PTPRN2: variants seen among roughly 807,000 people sequenced by gnomAD.
PTPRN2 encodes the protein receptor-type tyrosine-protein phosphatase N2.
A neutral mutation model predicts 118.8 loss-of-function variants in PTPRN2; 74 were observed. The observed-to-expected ratio is 0.62, with a 90% confidence interval of 0.52 to 0.76. The LOEUF is 0.76. Ranked by LOEUF, PTPRN2 falls within the 30% of genes least tolerant of loss-of-function variation. PTPRN2 has a pLI of 0.00. For synonymous variants in PTPRN2, 641 were observed against 608.0 expected, an observed-to-expected ratio of 1.05 and a Z score of -0.80; for missense variants, 1,481 against 1,394.4, an observed-to-expected ratio of 1.06 and a Z score of -0.99.
intron 2 of PTPRN2, among the ~76,000 whole-genome samples, chr7:158,388,779 C>T (rs1453939978): frequency 6.6e-6 from 1 of 152,178 alleles, no homozygotes; most frequent in Non-Finnish European, 1.5e-5. Context: ...AGCCAGGGCT[C>T]CCAGCCACCT....
In PTPRN2 at chr7:157,872,461, ATCCAGTGTCCTCCC is replaced by A. The variant is rs1199733514; in HGVS notation, c.1788+26198_1788+26211del. Among the ~76,000 whole-genome samples the A allele has an allele frequency of 3.2e-3, 465 of 146,812 alleles. 10 individuals carry two copies. Among genetic ancestry groups the A allele is most frequent in the African/African-American group, 0.011 (440 of 39,412 alleles). The stretch of plus-strand genomic sequence containing the variant: ...CCCAGTGTCCTCCCCACACACGCAT[ATCCAGTGTCCTCCC>A]CACACACGCATATCCAGTGTCCTCC... On this transcript the variant is annotated intron_variant, in intron 12 of 22. Coordinates refer to ENST00000389418, the MANE Select transcript of PTPRN2 (RefSeq NM_002847.5).
At chr7:158,306,709 T>C (rs1186432909) in intron 3 of PTPRN2, among the ~76,000 whole-genome samples, 2 of 152,186 alleles carry the variant, frequency 1.3e-5, no homozygotes, top group Non-Finnish European at 2.9e-5. Flanking sequence ...CCACACTATG[T>C]TATTTAAAAT....
At chr7:157,606,868 G>A (rs934793672) in intron 15 of PTPRN2, among the ~76,000 whole-genome samples, 3 of 152,234 alleles carry the variant, frequency 2.0e-5, no homozygotes, top group African/African-American at 7.2e-5. Flanking sequence ...GTGCACTAGA[G>A]ATCAATACAC....
chr7:157,872,210 C>A (rs1234917821), intron 12 of PTPRN2, among the ~76,000 whole-genome samples: 1 of 143,730 alleles, frequency 7.0e-6, no homozygotes, highest in Non-Finnish European at 1.5e-5. Context: ...TACCCAGTGT[C>A]CTCCGCATAC....
intron 2 of PTPRN2, among the ~76,000 whole-genome samples, chr7:158,415,424 GC>G (rs779021863): frequency 7.2e-4 from 110 of 152,144 alleles, no homozygotes; most frequent in Non-Finnish European, 1.3e-3. Context: ...AGCTGCTTCA[GC>G]CCTGGATGAC....
chr7:157,955,124 G>A lies in PTPRN2; in HGVS notation c.1724-56387C>T, dbSNP rs140902456. 2.2e-4 allele frequency among the ~76,000 whole-genome samples: 34 copies of A among 152,252 alleles called. No individual in the cohort carries two copies. In the East Asian group the frequency reaches 6.4e-3, roughly 29 times the overall value. On this transcript the variant is annotated intron_variant, in intron 11 of 22. Transcript: ENST00000389418. ...AAGACGGATCCACCGGCCATCCCAG[G>A]TACCAGGAGCAGCACACACGAATGC...
chr7:158,173,607 G>A (rs745676650), intron 5 of PTPRN2, among the ~76,000 whole-genome samples: 2 of 152,186 alleles, frequency 1.3e-5, no homozygotes, highest in African/African-American at 2.4e-5. Flanking sequence ...CAGACAACTG[G>A]TCTGACTAGA....
intron 2 of PTPRN2, among the ~76,000 whole-genome samples, chr7:158,322,443 C>A (rs1445663806): frequency 2.0e-5 from 3 of 151,580 alleles, no homozygotes; most frequent in Non-Finnish European, 4.4e-5. Flanking sequence ...ACACTCCAGG[C>A]TAAGGGAGCA....
chr7:157,852,270 T>C (rs1190398153), intron 12 of PTPRN2, among the ~76,000 whole-genome samples: 2 of 152,248 alleles, frequency 1.3e-5, no homozygotes, highest in South Asian at 2.1e-4. Flanking sequence ...AAAAGTCAGT[T>C]TGTGTATCTC....
chr7:158,090,432 T>G (rs1814023233), intron 10 of PTPRN2, among the ~76,000 whole-genome samples: 2 of 152,278 alleles, frequency 1.3e-5, no homozygotes, highest in Admixed American at 6.5e-5. Context: ...CCATATATGT[T>G]GTACATAGAT....
intron 2 of PTPRN2, among the ~76,000 whole-genome samples, chr7:158,327,300 TTC>T (rs891715292): frequency 3.2e-5 from 4 of 123,854 alleles, no homozygotes; most frequent in African/African-American, 1.1e-4. Flanking sequence ...CATGTACACA[TTC>T]TCACACATAC....
chr7:158,433,759 A>C (rs1420898388), intron 2 of PTPRN2, among the ~76,000 whole-genome samples: 1 of 151,588 alleles, frequency 6.6e-6, no homozygotes, highest in African/African-American at 2.4e-5. Context: ...CTTTTTCTAC[A>C]CTCTTTAGAC....
At chr7:158,267,834 G>A (rs1294990783) in intron 3 of PTPRN2, among the ~76,000 whole-genome samples, 1 of 152,136 alleles carries the variant, frequency 6.6e-6, no homozygotes, top group Non-Finnish European at 1.5e-5. Flanking sequence ...AAGAGCTCTG[G>A]GCATCTCTCC....
chr7:158,582,371 GA>G (rs1194184876), intron 1 of PTPRN2, among the ~76,000 whole-genome samples: 1 of 152,086 alleles, frequency 6.6e-6, no homozygotes, highest in Non-Finnish European at 1.5e-5. Flanking sequence ...TCGGCTGGAT[GA>G]AAACCCTTTC....
At chr7:157,777,241 C>T (rs888719266) in intron 12 of PTPRN2, among the ~76,000 whole-genome samples, 1 of 152,224 alleles carries the variant, frequency 6.6e-6, no homozygotes, top group Non-Finnish European at 1.5e-5. Context: ...GTTAGATACA[C>T]AAGAAACACA....
In PTPRN2 at chr7:157,690,874, G is replaced by C. The variant is rs1054618801; in HGVS notation, c.1789-7937C>G. ...CGTGCTCCGCCCCGGCCCGGCCCCCGGGCTAGGCACGCTGGGCCGGGGCGC... is the reference window on the plus strand; with the variant it reads ...CGTGCTCCGCCCCGGCCCGGCCCCCCGGCTAGGCACGCTGGGCCGGGGCGC... On this transcript the variant is annotated intron_variant, in intron 12 of 22. Coordinates refer to ENST00000389418, the MANE Select transcript of PTPRN2 (RefSeq NM_002847.5). This position sits in a 1 kb window ranked among gnomAD's most constrained non-coding sequence, Gnocchi z 7.1. 6.8e-6 allele frequency among the ~76,000 whole-genome samples: 1 copy of C among 146,096 alleles called. No homozygotes were observed. Among genetic ancestry groups the C allele is most frequent in the Non-Finnish European group, 1.5e-5 (1 of 65,772 alleles).
At chr7:157,739,888 C>T (rs555485861) in intron 12 of PTPRN2, among the ~76,000 whole-genome samples, 93 of 152,364 alleles carry the variant, frequency 6.1e-4, no homozygotes, top group Non-Finnish European at 1.1e-3. Context: ...CGTGCTCACG[C>T]ATGGCTCCCC....
At chr7:157,840,666 G>A (rs1808356679) in intron 12 of PTPRN2, among the ~76,000 whole-genome samples, 1 of 152,222 alleles carries the variant, frequency 6.6e-6, no homozygotes, top group Admixed American at 6.5e-5. Context: ...TCTGGACAGT[G>A]GATGACCCGA....
chr7:158,282,932 C>T (rs944148513), intron 3 of PTPRN2, among the ~76,000 whole-genome samples: 6 of 149,014 alleles, frequency 4.0e-5, no homozygotes, highest in East Asian at 2.0e-4. Context: ...GGGATATAGA[C>T]GGTGGTCCCT....
Sources: allele counts gnomAD v4.1 joint callset (sites outside exome capture counted in the v4.1 genomes callset), GRCh38; gene constraint gnomAD v4.1.1; non-coding constraint Gnocchi (gnomAD v3.1); transcripts MANE v1.5; gene names NCBI Gene and HGNC (gene_info 2026-07-23, HGNC 2026-07-21).